OTUD7A: variants seen among roughly 807,000 people sequenced by gnomAD.
The protein encoded by OTUD7A is OTU domain-containing protein 7A.
OTUD7A carries 12 observed loss-of-function variants against 65.7 expected under a neutral mutation model. That is an observed-to-expected ratio of 0.18 (90% CI 0.12 to 0.30). The LOEUF (loss-of-function observed/expected upper bound fraction) is 0.30. Ranked by LOEUF, OTUD7A falls within the 10% of genes least tolerant of loss-of-function variation. OTUD7A has a pLI of 1.00. For synonymous variants in OTUD7A, 641 were observed against 586.3 expected (o/e 1.09, Z -1.35); for missense variants, 1,148 against 1,304.8 (o/e 0.88, Z 1.85).
At chr15:31,576,798 C>T (rs559996851) in intron 3 of OTUD7A, among the ~76,000 whole-genome samples, 33 of 152,136 alleles carry the variant, frequency 2.2e-4, no homozygotes, top group Non-Finnish European at 4.0e-4. Context: ...CTGTGTATAT[C>T]GTAAACTGAA....
At chr15:31,726,330 T>TACAC (rs1015099768) in intron 1 of OTUD7A, among the ~76,000 whole-genome samples, 2 of 90,278 alleles carry the variant, frequency 2.2e-5, no homozygotes, top group South Asian at 9.5e-4. Flanking sequence ...TCTCTCGAAT[T>TACAC]ACACACACAC....
At chr15:31,598,838 TGCTGAG>T (rs978498200) in intron 3 of OTUD7A, among the ~76,000 whole-genome samples, 1 of 152,116 alleles carries the variant, frequency 6.6e-6, no homozygotes, top group Non-Finnish European at 1.5e-5. Context: ...CGTCTGCCAT[TGCTGAG>T]GCTTGAGTAG....
intron 10 of OTUD7A, among the ~76,000 whole-genome samples, chr15:31,494,180 A>G (rs1220484937): frequency 6.6e-6 from 1 of 152,256 alleles, no homozygotes; most frequent in African/African-American, 2.4e-5. Context: ...GTGTTCCTCC[A>G]ACATTCACTG....
At chr15:31,677,093 A>G (rs1288343094) in intron 1 of OTUD7A, among the ~76,000 whole-genome samples, 2 of 152,214 alleles carry the variant, frequency 1.3e-5, no homozygotes, top group East Asian at 1.9e-4. Context: ...ATGGCATGGA[A>G]GGAACGTGAG....
At chr15:31,559,528 G>A (rs941981716) in intron 4 of OTUD7A, among the ~76,000 whole-genome samples, 1 of 151,670 alleles carries the variant, frequency 6.6e-6, no homozygotes, top group African/African-American at 2.4e-5. Context: ...ACATGAATAC[G>A]AAAGCATACA....
chr15:31,671,691 T>C (rs1892487739), intron 1 of OTUD7A, among the ~76,000 whole-genome samples: 1 of 152,218 alleles, frequency 6.6e-6, no homozygotes, highest in African/African-American at 2.4e-5. Context: ...TTTCTTTTTA[T>C]GTGCTTTTTG....
At chr15:31,511,320 C>A in intron 8 of OTUD7A, among the ~76,000 whole-genome samples, 1 of 4,008 alleles carries the variant, frequency 2.5e-4, no homozygotes. Context: ...ATATGTATAT[C>A]TATATGTAAC....
intron 8 of OTUD7A, among the ~76,000 whole-genome samples, chr15:31,524,034 C>A (rs78177721): frequency 0.034 from 5,177 of 152,254 alleles, 113 homozygotes; most frequent in Middle Eastern, 0.099. Context: ...CCCTCCTTGA[C>A]TGGCCATGCA....
chr15:31,643,546 T>C (rs1355419664), intron 3 of OTUD7A, among the ~76,000 whole-genome samples: 3 of 152,226 alleles, frequency 2.0e-5, no homozygotes, highest in African/African-American at 4.8e-5. Context: ...TTCTATTCTA[T>C]AGAGTACAGT....
intron 1 of OTUD7A, among the ~76,000 whole-genome samples, chr15:31,775,355 A>G (rs577758280): frequency 6.6e-6 from 1 of 152,370 alleles, no homozygotes; most frequent in African/African-American, 2.4e-5. Context: ...TTAGGTGCTC[A>G]GCACACATCA....
chr15:31,497,051 C>T (rs2041396217), intron 10 of OTUD7A, among the ~76,000 whole-genome samples: 1 of 152,118 alleles, frequency 6.6e-6, no homozygotes, highest in Admixed American at 6.5e-5. Context: ...CCAGCATCTC[C>T]CCCTCCATCT....
At chr15:31,613,753 C>CTAGAAG (rs61048873) in intron 3 of OTUD7A, among the ~76,000 whole-genome samples, 89,439 of 151,068 alleles carry the variant, frequency 0.59, 28,278 homozygotes, top group East Asian at 0.91. Flanking sequence ...CCTTAAAGAA[C>CTAGAAG]TAGAACTACC....
intron 3 of OTUD7A, among the ~76,000 whole-genome samples, chr15:31,585,291 A>G (rs1310970923): frequency 6.6e-6 from 1 of 152,212 alleles, no homozygotes; most frequent in African/African-American, 2.4e-5. Context: ...ACTGCTTTCC[A>G]GACAAGCTCT....
intron 1 of OTUD7A, among the ~76,000 whole-genome samples, chr15:31,739,439 CA>C (rs1189030368): frequency 3.3e-5 from 5 of 151,992 alleles, no homozygotes; most frequent in Non-Finnish European, 5.9e-5. Context: ...TTGCAAAATC[CA>C]GGAGGAAAAT....
chr15:31,735,445 T>C (rs1247173741), intron 1 of OTUD7A, among the ~76,000 whole-genome samples: 1 of 151,194 alleles, frequency 6.6e-6, no homozygotes, highest in Non-Finnish European at 1.5e-5. Flanking sequence ...GGGGAATTGC[T>C]AGAACCTGGG....
At chr15:31,512,458 C>A (rs1435551336) in intron 8 of OTUD7A, among the ~76,000 whole-genome samples, 2 of 152,128 alleles carry the variant, frequency 1.3e-5, no homozygotes, top group African/African-American at 4.8e-5. Context: ...TTTTTTTTAG[C>A]GAGGCCATTT....
chr15:31,526,275 C>A (rs2042011558), intron 8 of OTUD7A, 74 bp downstream of exon 8: 1 of 1,358,828 alleles, frequency 7.4e-7, no homozygotes, highest in Non-Finnish European at 9.9e-7. Flanking sequence ...CCGTGCCATC[C>A]CCCCATGCTG....
rs150948272 is a variant in OTUD7A at position 31,487,206 on chromosome 15, G to C, written c.1359C>G (p.Pro453=). 1.2e-6 allele frequency: 2 copies of C among 1,613,820 alleles called. No individual in the cohort carries two copies. The highest frequency in any genetic ancestry group is 1.7e-6 in the Non-Finnish European group (2 of 1,179,984). The change falls in exon 12 of 13, where the codon CCC becomes CCG. Residue 453 remains proline (P), a synonymous_variant. Transcript: ENST00000307050. The surrounding 1 kb of genome is among the most constrained non-coding windows in gnomAD (Gnocchi z 6.0). The part of the protein sequence containing the change: ...SYMNVTWIRI[P]SETRAPLAQP... ...CAGCCAGGCTCACCCGTGTCTCGGA[G>C]GGGATCCGGATCCACGTCACGTTCA...
chr15:31,669,974 G>A lies in OTUD7A; in HGVS notation c.-99-12897C>T, dbSNP rs567616603. Among the ~76,000 whole-genome samples the A allele has an allele frequency of 3.1e-3, 445 of 141,858 alleles. 1 individual carries two copies. The highest frequency in any genetic ancestry group is 0.012 in the African/African-American group (421 of 35,284). 93.1% of individuals were successfully genotyped at this position (141,858 alleles called of 152,430 possible). ...AGGATCTCCCTTTTCCACTTCCGCA[G>A]GTGAGCACTCACAGTATTTGAGGTG... On this transcript the variant is annotated intron_variant, in intron 1 of 12. Coordinates refer to ENST00000307050, the MANE Select transcript of OTUD7A (RefSeq NM_001382637.1).
Sources: gnomAD v4.1 joint callset for allele counts (sites outside exome capture counted in the v4.1 genomes callset) on GRCh38, gnomAD v4.1.1 for gene constraint, Gnocchi (gnomAD v3.1) non-coding constraint, MANE v1.5 for transcripts, NCBI Gene and HGNC (gene_info 2026-07-23, HGNC 2026-07-21) for gene names.